The following PER2 variants were observed in gnomAD, a reference collection of about 807,000 sequenced individuals.
PER2 encodes period circadian regulator 2.
A neutral mutation model predicts 121.0 loss-of-function variants in PER2; 66 were observed. The observed-to-expected ratio is 0.55, with a 90% CI of 0.45 to 0.67. The LOEUF is 0.67. PER2 is among the 30% of genes least tolerant of loss of function. The probability of loss-of-function intolerance (pLI) is 0.00; values close to 1 mark genes in which losing one functional copy is unlikely to be tolerated. For missense variants in PER2, 1,521 were observed against 1,635.0 expected (o/e 0.93, Z 1.20); for synonymous variants, 684 against 659.9 (o/e 1.04, Z -0.56).
intron 1 of PER2, among the ~76,000 whole-genome samples, chr2:238,287,247 G>A (rs547908852): frequency 6.7e-4 from 102 of 152,344 alleles, no homozygotes; most frequent in African/African-American, 2.2e-3. Flanking sequence ...CCCCGCGCTG[G>A]CACACCACAC....
intron 14 of PER2, among the ~76,000 whole-genome samples, chr2:238,259,335 C>T (rs943995708): frequency 1.3e-5 from 2 of 152,198 alleles, no homozygotes; most frequent in Admixed American, 6.5e-5. Flanking sequence ...TGTGTGCACA[C>T]GTGTCTGTGT....
At chr2:238,278,296 C>A (rs1466263764) in intron 1 of PER2, among the ~76,000 whole-genome samples, 1 of 152,138 alleles carries the variant, frequency 6.6e-6, no homozygotes, top group African/African-American at 2.4e-5. Flanking sequence ...GTCTCGAACT[C>A]CTGAAGTCAA....
Position 238,253,871 on chromosome 2 carries a change from G to A in PER2, c.2321-169C>T, listed in dbSNP as rs1574841824. 6.6e-6 allele frequency among the ~76,000 whole-genome samples: 1 copy of A among 152,148 alleles called. No homozygotes were observed. The highest frequency in any genetic ancestry group is 2.4e-5 in the African/African-American group (1 of 41,424). ...TGAGAAAAATCAGGGCAAAACATCA[G>A]GTTTTTCCATAAAACTAAATTGAAT... is the stretch of plus-strand genomic sequence containing the variant. On this transcript the variant is annotated intron_variant, in intron 18 of 22. Coordinates refer to ENST00000254657, the MANE Select transcript of PER2 (RefSeq NM_022817.3). The surrounding 1 kb of genome is among the most constrained non-coding windows in gnomAD (Gnocchi z 5.6).
rs555837047 is a variant in PER2 at position 238,248,784 on chromosome 2, G to T, written c.3618+278C>A. ...CATTCTCCTGCCTCAGCCTCCTGAG[G>T]AGCTGGGACTACAGGCGCCCGCCAC... On this transcript the variant is annotated intron_variant, in intron 22 of 22. Transcript: ENST00000254657. Among the ~76,000 whole-genome samples the T allele has an allele frequency of 2.7e-3, 408 of 152,038 alleles. 2 individuals are homozygous for T. Among genetic ancestry groups the T allele is most frequent in the African/African-American group, 9.0e-3 (374 of 41,492 alleles).
At chr2:238,271,904 T>A (rs1453868221) in intron 5 of PER2, among the ~76,000 whole-genome samples, 1 of 151,322 alleles carries the variant, frequency 6.6e-6, no homozygotes, top group Non-Finnish European at 1.5e-5. Context: ...TGCCCCAAGA[T>A]AACCTCCCCT....
intron 9 of PER2, 50 bp from the exon 10 acceptor site, chr2:238,263,108 A>T (rs772518909): frequency 4.7e-6 from 5 of 1,073,600 alleles, no homozygotes; most frequent in Non-Finnish European, 7.2e-6. Context: ...ACAGATGAGG[A>T]GATTGTCACT....
chr2:238,258,557 G>A lies in PER2; in HGVS notation c.1715C>T (p.Ala572Val), dbSNP rs1220550750. ...GGAGCAGGTGGGCTGGTTCTTGCAG[G>A]CCAACTCCTCGGGGAAGCTGACCCC... ...SLGVSFPEEL[A>V]CKNQPTCSYQ... The change falls in exon 15 of 23, where the codon GCC becomes GTC. Residue 572 changes from alanine to valine, a missense_variant. Transcript: ENST00000254657. 3.1e-6 allele frequency: 5 copies of A among 1,614,090 alleles called. No homozygotes were observed. The South Asian group carries it at 5.5e-5, about 18-fold the overall frequency.
Position 238,255,787 on chromosome 2 carries a change from G to C in PER2, c.2190C>G (p.Leu730=). 6.2e-7 allele frequency: 1 copy of C among 1,614,106 alleles called. No individual in the cohort carries two copies. The highest frequency in any genetic ancestry group is 8.5e-7 in the Non-Finnish European group (1 of 1,180,008). Residue 730 remains leucine, a synonymous_variant, in exon 18 of 23, where the codon CTC becomes CTG. Coordinates refer to ENST00000254657, the MANE Select transcript of PER2 (RefSeq NM_022817.3). ...GCTCCTCCTTCTGTGTGTGTGCAGC[G>C]AGTACCTCCTTGGTGAGGCCCAGCT... ...FKKLGLTKEV[L]AAHTQKEEQS... is the part of the protein sequence containing the mutation.
rs370038598 is a variant in PER2 at position 238,277,137 on chromosome 2, C to A, written c.287G>T (p.Gly96Val). Reference sequence around the variant, plus strand: ...AAGTTCTAATTGGCCTTACCTGCAGCCACTTGTAGATGGGTTGTGTTCAGA... The same window carrying A: ...AAGTTCTAATTGGCCTTACCTGCAGACACTTGTAGATGGGTTGTGTTCAGA... Reference protein sequence around the residue: ...AKSEHNPSTSGCSSDQSSKVD... With the variant: ...AKSEHNPSTSVCSSDQSSKVD... The change falls in exon 3 of 23, where the codon GGC (glycine) becomes GTC (valine). Residue 96 changes from glycine to valine, a missense_variant. By Grantham distance (109) the Gly-to-Val change is moderately radical. Coordinates refer to ENST00000254657, the MANE Select transcript of PER2 (RefSeq NM_022817.3). The A allele has an allele frequency of 2.5e-6, 4 of 1,608,302 alleles. No individual in the cohort carries two copies. The highest frequency in any genetic ancestry group is 4.5e-5 in the East Asian group (2 of 44,864).
chr2:238,271,608 G>C (rs1169345141), intron 5 of PER2, 95 bp from the exon 6 acceptor site: 1 of 905,474 alleles, frequency 1.1e-6, no homozygotes, highest in Non-Finnish European at 1.8e-6. Context: ...CCGCCCACCA[G>C]GAGCGTTGGA....
At chr2:238,270,510 C>T (rs913288936) in intron 6 of PER2, among the ~76,000 whole-genome samples, 4 of 151,870 alleles carry the variant, frequency 2.6e-5, no homozygotes, top group African/African-American at 4.8e-5. Flanking sequence ...TGGCTAGTTA[C>T]GGAAAATGAT....
At chr2:238,275,691 G>C in intron 4 of PER2, 52 bp downstream of exon 4, 2 of 1,563,732 alleles carry the variant, frequency 1.3e-6, no homozygotes, top group Non-Finnish European at 1.8e-6. Context: ...AATTTGGGGG[G>C]ATTTAAAACA....
At chr2:238,292,604 T>C (rs930759263), upstream of PER2, among the ~76,000 whole-genome samples, 1 of 152,206 alleles carries the variant, frequency 6.6e-6, no homozygotes, top group Non-Finnish European at 1.5e-5. Context: ...TGATGAGCCT[T>C]AGATGTTTGT....
chr2:238,276,392 A>G (rs1052361632), intron 3 of PER2, among the ~76,000 whole-genome samples: 1 of 152,234 alleles, frequency 6.6e-6, no homozygotes, highest in Non-Finnish European at 1.5e-5. Context: ...AAGTCCCTCC[A>G]ACTGTGTTCT....
intron 10 of PER2, among the ~76,000 whole-genome samples, 173 bp downstream of exon 10, chr2:238,262,779 C>A (rs1444805975): frequency 6.6e-6 from 1 of 152,192 alleles, no homozygotes; most frequent in Non-Finnish European, 1.5e-5. Flanking sequence ...CCCTCTCTCT[C>A]GACTCCACTG....
At position 238,252,863 on chromosome 2, in the gene PER2, T is replaced by G. The variant is rs1425700259; in HGVS notation, c.3111+49A>C. The G allele has an allele frequency of 6.6e-7, 1 of 1,509,176 alleles. No homozygotes were observed. The highest frequency in any genetic ancestry group is 9.2e-7 in the Non-Finnish European group (1 of 1,088,226). 93.5% of individuals were successfully genotyped at this position (1,509,176 alleles called of 1,614,324 possible). A position where few individuals can be genotyped will look rare whatever the true frequency, so the allele number is the denominator to read the frequency against. On this transcript the variant is annotated intron_variant, in intron 19 of 22. Coordinates refer to ENST00000254657, the MANE Select transcript of PER2 (RefSeq NM_022817.3). The surrounding 1 kb of genome is among the most constrained non-coding windows in gnomAD (Gnocchi z 4.2). ...GAGGATGTGCGGCCGGCCTGCCAGGTGTGCTGTTTGCTGCCTGCTTTGGGG... is the reference window on the plus strand; with the variant it reads ...GAGGATGTGCGGCCGGCCTGCCAGGGGTGCTGTTTGCTGCCTGCTTTGGGG...
At chr2:238,261,462 G>C in intron 12 of PER2, 1 of 526,846 alleles carries the variant, frequency 1.9e-6, no homozygotes, top group Non-Finnish European at 3.5e-6. Flanking sequence ...CTGTGTCAGA[G>C]CACGGGGTCT....
In PER2 at chr2:238,261,141, C is replaced by A. The variant is rs2119022; in HGVS notation, c.1417-188G>T. ...GAGGTAGACTCCTGGCCTCCAGCCGCGGTGCCCCGACCCAGACATGCAGTC... is the reference window on the plus strand; with the variant it reads ...GAGGTAGACTCCTGGCCTCCAGCCGAGGTGCCCCGACCCAGACATGCAGTC... On this transcript the variant is annotated intron_variant, in intron 12 of 22. Transcript: ENST00000254657. 3.9e-4 allele frequency among the ~76,000 whole-genome samples: 59 copies of A among 152,342 alleles called. No homozygotes were observed. The Middle Eastern group carries it at 0.01, about 26-fold the overall frequency.
intron 16 of PER2, among the ~76,000 whole-genome samples, 168 bp from the exon 17 acceptor site, chr2:238,257,254 A>G (rs528232379): frequency 8.2e-4 from 125 of 152,324 alleles, no homozygotes; most frequent in African/African-American, 2.6e-3. Flanking sequence ...TTTGTCCCCA[A>G]TGTTTATTCA....
Sources: allele counts gnomAD v4.1 joint callset (sites outside exome capture counted in the v4.1 genomes callset), GRCh38; gene constraint gnomAD v4.1.1; non-coding constraint Gnocchi (gnomAD v3.1); transcripts MANE v1.5; gene names NCBI Gene and HGNC (gene_info 2026-07-23, HGNC 2026-07-21).